LINGO2: variants seen among roughly 807,000 people sequenced by gnomAD.
LINGO2 encodes the protein leucine-rich repeat and immunoglobulin-like domain-containing nogo receptor-interacting protein 2.
Under a neutral mutation model 30.6 loss-of-function variants are expected in LINGO2, and 14 were observed. That is an observed-to-expected ratio of 0.46 (90% CI 0.30 to 0.72). The LOEUF is 0.72. LINGO2 is among the 30% of genes least tolerant of loss of function. The pLI is 0.07. For synonymous variants in LINGO2, 317 were observed against 288.5 expected, an observed-to-expected ratio of 1.10 and a Z score of -1.00; for missense variants, 729 against 751.7, an observed-to-expected ratio of 0.97 and a Z score of 0.35.
intron 1 of LINGO2, among the ~76,000 whole-genome samples, chr9:28,666,737 C>A (rs541474491): frequency 7.9e-5 from 12 of 152,142 alleles, no homozygotes; most frequent in African/African-American, 2.9e-4. Context: ...AGAGACATAT[C>A]CAGAAAGTAG....
chr9:28,100,342 T>G (rs1372307297), intron 4 of LINGO2, among the ~76,000 whole-genome samples: 1 of 152,048 alleles, frequency 6.6e-6, no homozygotes, highest in African/African-American at 2.4e-5. Flanking sequence ...CAGAGACAAA[T>G]GCAATGCTCC....
chr9:29,063,579 CAT>C, the LINGO2 span, among the ~76,000 whole-genome samples: 1 of 151,848 alleles, frequency 6.6e-6, no homozygotes, highest in South Asian at 2.1e-4. Context: ...CTGTATTTTT[CAT>C]AGAGATGGGG....
At chr9:28,597,742 A>C (rs1013071617) in intron 1 of LINGO2, among the ~76,000 whole-genome samples, 2 of 152,092 alleles carry the variant, frequency 1.3e-5, no homozygotes, top group Non-Finnish European at 2.9e-5. Context: ...GTATGTCTGT[A>C]TGTATGCATG....
intron 3 of LINGO2, among the ~76,000 whole-genome samples, chr9:28,341,297 C>T (rs1825758086): frequency 6.6e-6 from 1 of 152,016 alleles, no homozygotes; most frequent in African/African-American, 2.4e-5. Context: ...TAATAAAACA[C>T]AACAGAAAGA....
chr9:28,271,238 T>C (rs1822929347), intron 4 of LINGO2, among the ~76,000 whole-genome samples: 1 of 152,128 alleles, frequency 6.6e-6, no homozygotes, highest in African/African-American at 2.4e-5. Context: ...TTCTAATTTG[T>C]ATAGGCAATG....
chr9:28,555,732 G>C (rs1014441335), intron 1 of LINGO2, among the ~76,000 whole-genome samples: 1 of 151,992 alleles, frequency 6.6e-6, no homozygotes, highest in Non-Finnish European at 1.5e-5. Context: ...GATGAACATT[G>C]ATGCAAAAAT....
At chr9:28,662,755 G>C (rs988996406) in intron 1 of LINGO2, among the ~76,000 whole-genome samples, 1 of 151,970 alleles carries the variant, frequency 6.6e-6, no homozygotes, top group East Asian at 1.9e-4. Flanking sequence ...AATAGTGCCC[G>C]GCACATGGCA....
chr9:28,304,728 A>C (rs1317949850), intron 3 of LINGO2, among the ~76,000 whole-genome samples: 1 of 152,028 alleles, frequency 6.6e-6, no homozygotes, highest in African/African-American at 2.4e-5. Flanking sequence ...ATCTATGTTT[A>C]ACTATATTAG....
chr9:28,829,766 T>C, the LINGO2 span, among the ~76,000 whole-genome samples: 4 of 152,124 alleles, frequency 2.6e-5, no homozygotes, highest in African/African-American at 4.8e-5. Context: ...GGCAGACACC[T>C]GTAATCCCAG....
chr9:28,018,013 T>C (rs186157417), intron 4 of LINGO2, among the ~76,000 whole-genome samples: 11 of 152,088 alleles, frequency 7.2e-5, no homozygotes, highest in Admixed American at 5.2e-4. Flanking sequence ...AACAGACCCA[T>C]AGACCAATGA....
At chr9:28,637,077 C>A (rs1391131617) in intron 1 of LINGO2, among the ~76,000 whole-genome samples, 5 of 151,996 alleles carry the variant, frequency 3.3e-5, no homozygotes, top group Admixed American at 2.6e-4. Context: ...ATTAAATAGG[C>A]AATCCTTTCC....
chr9:28,543,296 A>T (rs1391569683), intron 1 of LINGO2, among the ~76,000 whole-genome samples: 4 of 152,090 alleles, frequency 2.6e-5, no homozygotes, highest in African/African-American at 9.7e-5. Flanking sequence ...AATTTCCTTT[A>T]TACCTTAATG....
chr9:27,987,034 T>A (rs1356869947), intron 5 of LINGO2, among the ~76,000 whole-genome samples: 1 of 150,948 alleles, frequency 6.6e-6, no homozygotes, highest in Non-Finnish European at 1.5e-5. Flanking sequence ...TATGGTCGAC[T>A]TTTTTTTGTG....
chr9:28,092,691 TATA>T (rs1266062394), intron 4 of LINGO2, among the ~76,000 whole-genome samples: 1 of 151,558 alleles, frequency 6.6e-6, no homozygotes, highest in Non-Finnish European at 1.5e-5. Context: ...GAACTTAAAG[TATA>T]ATAATAATAA....
At chr9:28,177,103 T>C (rs948903065) in intron 4 of LINGO2, among the ~76,000 whole-genome samples, 2 of 152,220 alleles carry the variant, frequency 1.3e-5, no homozygotes, top group Non-Finnish European at 2.9e-5. Flanking sequence ...AAGATGTGGA[T>C]GCATCTATAG....
intron 4 of LINGO2, among the ~76,000 whole-genome samples, chr9:28,217,499 T>C (rs957003352): frequency 2.6e-5 from 4 of 152,098 alleles, no homozygotes; most frequent in Non-Finnish European, 5.9e-5. Context: ...TATGCATGAC[T>C]GTTTTCACAG....
intron 3 of LINGO2, among the ~76,000 whole-genome samples, chr9:28,317,117 C>A (rs3849951): frequency 0.97 from 148,270 of 152,284 alleles, 72,307 homozygotes; most frequent in Middle Eastern, 1. Context: ...TATGTTTCTT[C>A]TGTTTCACAG....
intron 1 of LINGO2, among the ~76,000 whole-genome samples, chr9:28,638,587 C>T (rs7032964): frequency 6.6e-6 from 1 of 151,856 alleles, no homozygotes; most frequent in Non-Finnish European, 1.5e-5. Context: ...TTTCTTCTAG[C>T]TTTTCTAGTA....
the LINGO2 span, among the ~76,000 whole-genome samples, chr9:29,198,832 G>A: frequency 1.6e-4 from 25 of 152,164 alleles, no homozygotes; most frequent in Non-Finnish European, 3.2e-4. Flanking sequence ...CAACATAGGG[G>A]ATGAATTTCC....
Sources: gnomAD v4.1 joint callset for allele counts (sites outside exome capture counted in the v4.1 genomes callset) on GRCh38, gnomAD v4.1.1 for gene constraint, MANE v1.5 for transcripts, NCBI Gene and HGNC (gene_info 2026-07-23, HGNC 2026-07-21) for gene names.